The following AP1B1 variants were observed in gnomAD, a reference collection of about 807,000 sequenced individuals.
AP1B1 encodes adaptor related protein complex 1 subunit beta 1, also known as AP-1 complex subunit beta-1.
Under a neutral mutation model 104.3 loss-of-function variants are expected in AP1B1, and 36 were observed. The ratio of observed to expected loss-of-function variants is 0.35; its 90% CI spans 0.26 to 0.46. The LOEUF (loss-of-function observed/expected upper bound fraction) is 0.46. Among genes scored for constraint, AP1B1 ranks in the 20% least tolerant of loss-of-function variants. The pLI is 1.00. For synonymous variants in AP1B1, 504 were observed against 517.5 expected, an observed-to-expected ratio of 0.97 and a Z score of 0.35; for missense variants, 901 against 1,247.9, an observed-to-expected ratio of 0.72 and a Z score of 4.19.
At chr22:29,367,771 C>T (rs145991559) in intron 1 of AP1B1, among the ~76,000 whole-genome samples, 13 of 152,232 alleles carry the variant, frequency 8.5e-5, no homozygotes, top group African/African-American at 2.9e-4. Context: ...CATCAAGGCA[C>T]GATATTACCC....
At chr22:29,344,441 G>A (rs1188869238) in intron 11 of AP1B1, among the ~76,000 whole-genome samples, 2 of 151,184 alleles carry the variant, frequency 1.3e-5, no homozygotes, top group Admixed American at 1.3e-4. Context: ...TAATGCCATT[G>A]CCCCTGCCAT....
At position 29,359,924 on chromosome 22, in the gene AP1B1, G is replaced by A. The variant is rs760775053; in HGVS notation, c.179C>T (p.Thr60Met). 3.7e-6 allele frequency: 6 copies of A among 1,614,002 alleles called. No individual in the cohort carries two copies. The highest frequency in any genetic ancestry group is 1.1e-5 in the South Asian group (1 of 90,986). ...TAGCTTCTTCAGCTCCAGGTTGTCCGTCTGCATGCAGTTGACCACATCGGG... is the reference window on the plus strand; with the variant it reads ...TAGCTTCTTCAGCTCCAGGTTGTCCATCTGCATGCAGTTGACCACATCGGG... ...LFPDVVNCMQ[T>M]DNLELKKLVY... is the part of the protein sequence containing the mutation. The change falls in exon 4 of 23, where the codon ACG becomes ATG. Residue 60 changes from threonine (T) to methionine (M), a missense_variant. Coordinates refer to ENST00000357586, the MANE Select transcript of AP1B1 (RefSeq NM_001127.4).
rs766721280 is a variant in AP1B1, at chr22:29,385,027, G to A, written c.-28+3397C>T. ...GTAGCACTCCAGCTAGGCAGGTAAG[G>A]TTGGGAGAGCAGGAAATGGTGTTCA... On this transcript the variant is annotated intron_variant, in intron 1 of 22. Transcript: ENST00000357586. 4.6e-5 allele frequency among the ~76,000 whole-genome samples: 7 copies of A among 152,312 alleles called. No individual in the cohort carries two copies. The South Asian group carries it at 1.5e-3, about 32-fold the overall frequency.
chr22:29,351,365 G>A, intron 8 of AP1B1, 99 bp from the exon 9 acceptor site: 1 of 1,331,134 alleles, frequency 7.5e-7, no homozygotes, highest in Non-Finnish European at 1.1e-6. Flanking sequence ...CTAGGAGAAT[G>A]GGATTCTGCC....
At chr22:29,362,548 T>C (rs552448642) in intron 3 of AP1B1, among the ~76,000 whole-genome samples, 9 of 152,110 alleles carry the variant, frequency 5.9e-5, no homozygotes, top group South Asian at 2.1e-4. Flanking sequence ...GATATCACCA[T>C]ATTGGCCAGG....
chr22:29,343,334 C>T (rs774778279), intron 11 of AP1B1, among the ~76,000 whole-genome samples: 14 of 152,196 alleles, frequency 9.2e-5, no homozygotes, highest in South Asian at 2.1e-4. Context: ...CAGCAGCAGC[C>T]GTGCTGACGG....
intron 9 of AP1B1, among the ~76,000 whole-genome samples, chr22:29,350,620 C>T (rs945642871): frequency 1.3e-5 from 2 of 152,178 alleles, no homozygotes; most frequent in African/African-American, 4.8e-5. Flanking sequence ...GTGAGCACGC[C>T]TCAAGGGGAT....
At position 29,337,059 on chromosome 22, in the gene AP1B1, C is replaced by T. The variant is rs80224063; in HGVS notation, c.2163+1931G>A. Among the ~76,000 whole-genome samples the T allele has an allele frequency of 5.7e-3, 870 of 152,312 alleles. 9 individuals are homozygous for T. The highest frequency in any genetic ancestry group is 8.0e-3 in the Non-Finnish European group (545 of 68,028). On this transcript the variant is annotated intron_variant, in intron 16 of 22. Transcript: ENST00000357586. ...TAGTAAGTCAACTGCACATGCTGTA[C>T]GTTATGCCGCGATTCTACGTTCCCG...
At chr22:29,376,874 C>T (rs570418714) in intron 1 of AP1B1, among the ~76,000 whole-genome samples, 21 of 148,172 alleles carry the variant, frequency 1.4e-4, no homozygotes, top group Non-Finnish European at 2.8e-4. Flanking sequence ...CTATTCACCA[C>T]TCCTCATTTG....
intron 1 of AP1B1, among the ~76,000 whole-genome samples, chr22:29,373,916 G>C (rs1288030977): frequency 4.2e-5 from 5 of 120,294 alleles, no homozygotes; most frequent in African/African-American, 1.6e-4. Flanking sequence ...AAAAAAAAAA[G>C]GCAAGGCACG....
chr22:29,358,777 G>A lies in AP1B1; in HGVS notation c.474C>T (p.Asp158=), dbSNP rs1296597053. 3 of 1,614,218 alleles carry A rather than the reference G, an allele frequency of 1.9e-6. No individual in the cohort carries two copies. The highest frequency in any genetic ancestry group is 1.1e-5 in the South Asian group (1 of 91,090). The change falls in exon 5 of 23, where the codon GAC becomes GAT. Residue 158 remains aspartate, a synonymous_variant. Transcript: ENST00000357586. ...LHDINAQLVE[D]QGFLDTLKDL... is the part of the protein sequence containing the mutation. ...CTTTAAGGGTGTCCAGGAAGCCCTGGTCCTCCACCAGCTGGGCGTTGATGT... is the reference window on the plus strand; with the variant it reads ...CTTTAAGGGTGTCCAGGAAGCCCTGATCCTCCACCAGCTGGGCGTTGATGT...
intron 1 of AP1B1, among the ~76,000 whole-genome samples, chr22:29,383,056 G>A (rs893314040): frequency 6.6e-6 from 1 of 152,040 alleles, no homozygotes; most frequent in African/African-American, 2.4e-5. Context: ...AATGAAGTAA[G>A]CAACTAGAGG....
At chr22:29,372,199 G>A (rs1464348623) in intron 1 of AP1B1, among the ~76,000 whole-genome samples, 1 of 152,118 alleles carries the variant, frequency 6.6e-6, no homozygotes, top group Non-Finnish European at 1.5e-5. Context: ...CAGGTGGGCA[G>A]ATCACCTGAG....
intron 2 of AP1B1, among the ~76,000 whole-genome samples, chr22:29,363,500 T>G (rs2062083128): frequency 2.0e-5 from 3 of 151,990 alleles, no homozygotes; most frequent in South Asian, 2.1e-4. Context: ...TACAAAAAAT[T>G]AGCCGGGCAT....
intron 16 of AP1B1, 34 bp from the exon 17 acceptor site, chr22:29,334,444 G>A (rs371468493): frequency 1.9e-6 from 3 of 1,571,776 alleles, no homozygotes; most frequent in South Asian, 2.3e-5. Context: ...GGGCGGGTAG[G>A]TGCCTCTTCC....
chr22:29,337,084 G>A (rs949625637), intron 16 of AP1B1, among the ~76,000 whole-genome samples: 1 of 152,148 alleles, frequency 6.6e-6, no homozygotes. Context: ...CTACGTTCCC[G>A]TGGCCCTGCT....
At chr22:29,342,521 C>T (rs536631853) in intron 11 of AP1B1, 138 bp from the exon 12 acceptor site, 102 of 691,160 alleles carry the variant, frequency 1.5e-4, no homozygotes, top group Non-Finnish European at 2.3e-4. Context: ...GGGGCTGTCA[C>T]GGCACACAGG....
intron 8 of AP1B1, 139 bp from the exon 9 acceptor site, chr22:29,351,405 A>G: frequency 9.5e-7 from 1 of 1,049,616 alleles, no homozygotes; most frequent in South Asian, 1.4e-5. Context: ...CCCAAGGGAG[A>G]GAGCTGGCAG....
In AP1B1 at chr22:29,330,379, G is replaced by A. The variant is rs191827767; in HGVS notation, c.2765C>T (p.Thr922Met). ...CAGGGCGGGTGCCGGGGCTCTCACC[G>A]TGCAGCTGGGGTTGCCCGGCTGGAT... ...LRIQPGNPSC[T>M]DLELSLKCRA... Residue 922 changes from threonine (T) to methionine (M), a missense_variant and splice_region_variant, in exon 21 of 23, where the codon ACG becomes ATG. By Grantham distance (81) the Thr-to-Met change is moderately conservative (BLOSUM62 -1). This residue lies in a region of AP1B1 where 424 missense variants were observed against 494.0 expected (regional missense o/e 0.86). Transcript: ENST00000357586. 77 of 1,613,206 alleles carry A rather than the reference G, an allele frequency of 4.8e-5. No individual in the cohort carries two copies. In the Admixed American group the frequency reaches 9.3e-4, roughly 20 times the overall value.
Sources: gnomAD v4.1 joint callset for allele counts (sites outside exome capture counted in the v4.1 genomes callset) on GRCh38, gnomAD v4.1.1 for gene constraint, gnomAD v4.1.1 regional missense constraint, MANE v1.5 for transcripts, NCBI Gene and HGNC (gene_info 2026-07-23, HGNC 2026-07-21) for gene names.